ZNF585B: variants seen among roughly 807,000 people sequenced by gnomAD.
The protein encoded by ZNF585B is zinc finger protein 41-like protein.
In ZNF585B, 7 loss-of-function variants were observed where a neutral mutation model predicts 14.0. That is an observed-to-expected ratio of 0.50 (90% CI 0.28 to 0.94). ZNF585B has a LOEUF of 0.94. ZNF585B is among the 40% of genes least tolerant of loss of function. The probability of loss-of-function intolerance (pLI) is 0.09; values close to 1 mark genes in which losing one functional copy is unlikely to be tolerated. For synonymous variants in ZNF585B, 290 were observed against 317.3 expected (o/e 0.91, Z 0.91); for missense variants, 750 against 924.4 (o/e 0.81, Z 2.45).
intron 1 of ZNF585B, among the ~76,000 whole-genome samples, chr19:37,207,548 T>C (rs373723360): frequency 6.6e-6 from 1 of 152,194 alleles, no homozygotes; most frequent in Non-Finnish European, 1.5e-5. Flanking sequence ...TGCTGAAATA[T>C]GGGAAAAGCC....
At chr19:37,195,637 T>A (rs1972457500) in intron 2 of ZNF585B, among the ~76,000 whole-genome samples, 1 of 150,770 alleles carries the variant, frequency 6.6e-6, no homozygotes, top group African/African-American at 2.5e-5. Flanking sequence ...AGATAAATAA[T>A]CTTATAACTA....
At position 37,185,661 on chromosome 19, in the gene ZNF585B, G is replaced by A. The variant is rs750650617; in HGVS notation, c.1876C>T (p.Pro626Ser). The A allele has an allele frequency of 1.2e-6, 2 of 1,613,154 alleles. No homozygotes were observed. Among genetic ancestry groups the A allele is most frequent in the South Asian group, 2.2e-5 (2 of 90,998 alleles). ...TAGGGTTTCTCTCCTGTGTGAACTG[G>A]CTGATGCACCAGGAGCTGAGACTTG... ...TSKSQLLVHQ[P>S]VHTGEKPYVC... Residue 626 changes from proline to serine, a missense_variant, in exon 5 of 5, where the codon CCA becomes TCA. Transcript: ENST00000532828.
rs774775801 is a variant in ZNF585B, at chr19:37,207,121, G to C, written c.-10C>G. On this transcript the variant is annotated 5_prime_UTR_variant, in exon 2 of 5. Coordinates refer to ENST00000532828, the MANE Select transcript of ZNF585B (RefSeq NM_152279.4). ...TCCAACTAGCTGGCATGGCCACACT[G>C]GATCTCAACCCTTTTTGTCTAGGGT... 1 of 1,614,046 alleles carries C rather than the reference G, an allele frequency of 6.2e-7. No homozygotes were observed. Among genetic ancestry groups the C allele is most frequent in the South Asian group, 1.1e-5 (1 of 91,078 alleles).
chr19:37,203,738 C>T (rs1599768708), intron 2 of ZNF585B, among the ~76,000 whole-genome samples: 1 of 152,332 alleles, frequency 6.6e-6, no homozygotes, highest in East Asian at 1.9e-4. Context: ...AAGCAATTCT[C>T]CTGCCTCAGC....
chr19:37,191,098 C>T (rs1236101672), intron 2 of ZNF585B, among the ~76,000 whole-genome samples: 3 of 152,080 alleles, frequency 2.0e-5, no homozygotes, highest in African/African-American at 7.2e-5. Flanking sequence ...TTAAGCACCA[C>T]AAAATGCAAA....
intron 2 of ZNF585B, among the ~76,000 whole-genome samples, chr19:37,193,470 CAAAAAAAA>C (rs1188808062): frequency 1.3e-5 from 1 of 78,322 alleles, no homozygotes; most frequent in Non-Finnish European, 2.9e-5. Flanking sequence ...GCCTCTGTCT[CAAAAAAAA>C]AAAAAAAAAG....
At position 37,181,885 on chromosome 19, in the gene ZNF585B, G is replaced by C. The variant is rs375934104; in HGVS notation, c.*3342C>G. 14 of 152,310 alleles carry C rather than the reference G, an allele frequency of 9.2e-5. No individual in the cohort carries two copies. Among genetic ancestry groups the C allele is most frequent in the African/African-American group, 3.4e-4 (14 of 41,558 alleles). 9.4% of individuals were successfully genotyped at this position (152,310 alleles called of 1,614,324 possible). A position where few individuals can be genotyped will look rare whatever the true frequency, so the allele number is the denominator to read the frequency against. On this transcript the variant is annotated 3_prime_UTR_variant, in exon 5 of 5. Transcript: ENST00000532828. Reference sequence around the variant, plus strand: ...CGAAACACAGAGGATTATTGGGACAGTGAAACGGCTCTTTATCCTTCTGTA... The same window carrying C: ...CGAAACACAGAGGATTATTGGGACACTGAAACGGCTCTTTATCCTTCTGTA...
intron 2 of ZNF585B, chr19:37,190,419 T>A: frequency 3.3e-6 from 1 of 298,718 alleles, no homozygotes; most frequent in Admixed American, 4.5e-5. Context: ...CTAATTTTTG[T>A]ATTTTTAGTA....
chr19:37,189,120 T>C (rs1266782103), intron 4 of ZNF585B, among the ~76,000 whole-genome samples: 3 of 151,922 alleles, frequency 2.0e-5, no homozygotes, highest in African/African-American at 7.3e-5. Flanking sequence ...GTATTTTTAG[T>C]AGAGATGGGG....
intron 1 of ZNF585B, among the ~76,000 whole-genome samples, chr19:37,209,578 A>G (rs1453794862): frequency 1.3e-5 from 2 of 152,192 alleles, no homozygotes; most frequent in Non-Finnish European, 2.9e-5. Context: ...ATTAATATCC[A>G]TAACAATACA....
intron 2 of ZNF585B, among the ~76,000 whole-genome samples, chr19:37,204,222 T>C (rs1161540319): frequency 6.6e-6 from 1 of 152,234 alleles, no homozygotes; most frequent in Non-Finnish European, 1.5e-5. Context: ...TTAAATCCCT[T>C]TTGATCTGTT....
intron 2 of ZNF585B, among the ~76,000 whole-genome samples, chr19:37,204,393 T>C (rs1014595437): frequency 2.0e-5 from 3 of 152,236 alleles, no homozygotes; most frequent in East Asian, 1.9e-4. Flanking sequence ...GTGTTCTCCA[T>C]GGTGCTACAC....
intron 2 of ZNF585B, among the ~76,000 whole-genome samples, chr19:37,204,956 T>C (rs921388115): frequency 2.6e-5 from 4 of 151,858 alleles, no homozygotes; most frequent in African/African-American, 9.7e-5. Context: ...CCATGTTGGC[T>C]AGGCTGGTCT....
intron 2 of ZNF585B, chr19:37,199,397 T>C: frequency 2.4e-6 from 1 of 414,204 alleles, no homozygotes; most frequent in Non-Finnish European, 4.8e-6. Context: ...TATTGGCGCG[T>C]ACCTGTAGTC....
chr19:37,190,667 G>C (rs1369267199), intron 2 of ZNF585B, among the ~76,000 whole-genome samples: 1 of 151,536 alleles, frequency 6.6e-6, no homozygotes, highest in Admixed American at 6.6e-5. Flanking sequence ...CCAGGTTCAA[G>C]CAATTCTCCT....
intron 2 of ZNF585B, among the ~76,000 whole-genome samples, chr19:37,198,266 T>G (rs1318455107): frequency 6.6e-6 from 1 of 151,978 alleles, no homozygotes; most frequent in East Asian, 2.0e-4. Context: ...CCGCCTCCCG[T>G]GTTCAAGCGA....
Position 37,186,739 on chromosome 19 carries a change from G to A in ZNF585B, c.798C>T (p.Gly266=), listed in dbSNP as rs775838576. 38 of 1,613,946 alleles carry A rather than the reference G, an allele frequency of 2.4e-5. 1 individual carries two copies. The Middle Eastern group carries it at 6.6e-4, about 28-fold the overall frequency. Residue 266 remains glycine (G), a synonymous_variant, in exon 5 of 5, where the codon GGC becomes GGT. Transcript: ENST00000532828. ...ATTCAATACAGATGTAGGATCTCTC[G>A]CCTGTATGGATTTTCTGATGAATCT... ...TLKIHQKIHT[G]ERSYICIECG...
In ZNF585B at chr19:37,186,705, C is replaced by G. The variant is rs779459348; in HGVS notation, c.832G>C (p.Ala278Pro). The change falls in exon 5 of 5, where the codon GCC becomes CCC. Residue 278 changes from alanine (A) to proline (P), a missense_variant. By Grantham distance (27) the Ala-to-Pro change is conservative. Coordinates refer to ENST00000532828, the MANE Select transcript of ZNF585B (RefSeq NM_152279.4). ...RSYICIECGQ[A>P]FIQKTQLIAH... The stretch of plus-strand genomic sequence containing the variant: ...ATCAATTGTGTTTTCTGGATGAAGG[C>G]CTGCCCGCATTCAATACAGATGTAG... The G allele has an allele frequency of 6.2e-7, 1 of 1,614,148 alleles. No homozygotes were observed. Among genetic ancestry groups the G allele is most frequent in the Non-Finnish European group, 8.5e-7 (1 of 1,180,034 alleles).
chr19:37,189,407 T>A, intron 4 of ZNF585B: 2 of 448,072 alleles, frequency 4.5e-6, no homozygotes, highest in Non-Finnish European at 4.1e-6. Flanking sequence ...AAAAAAAGAC[T>A]GTTACAGAAA....
Sources: allele counts gnomAD v4.1 joint callset (sites outside exome capture counted in the v4.1 genomes callset), GRCh38; gene constraint gnomAD v4.1.1; transcripts MANE v1.5; gene names NCBI Gene and HGNC (gene_info 2026-07-23, HGNC 2026-07-21).